TENM3: variants seen among roughly 807,000 people sequenced by gnomAD.
TENM3 encodes teneurin-3.
TENM3 carries 63 observed loss-of-function variants against 255.1 expected under a neutral mutation model. The observed-to-expected ratio is 0.25, with a 90% CI of 0.20 to 0.30. The LOEUF (loss-of-function observed/expected upper bound fraction) is 0.30. Among genes scored for constraint, TENM3 ranks in the 10% least tolerant of loss-of-function variants. The pLI is 1.00. For missense variants in TENM3, 2,929 were observed against 3,461.1 expected (o/e 0.85, Z 3.86); for synonymous variants, 1,306 against 1,322.3 (o/e 0.99, Z 0.27).
chr4:181,759,812 A>G, the TENM3 span, among the ~76,000 whole-genome samples: 8 of 151,734 alleles, frequency 5.3e-5, no homozygotes, highest in Non-Finnish European at 1.2e-4. Context: ...TTTAATAAAC[A>G]ATTACATCAT....
At chr4:181,967,036 G>A in the TENM3 span, among the ~76,000 whole-genome samples, 5 of 151,602 alleles carry the variant, frequency 3.3e-5, no homozygotes, top group African/African-American at 1.2e-4. Flanking sequence ...GCATGCATGT[G>A]CCACACCAAA....
intron 11 of TENM3, among the ~76,000 whole-genome samples, chr4:182,684,298 C>A (rs980125203): frequency 1.3e-5 from 2 of 151,552 alleles, no homozygotes; most frequent in Non-Finnish European, 1.5e-5. Flanking sequence ...AAACATAAGT[C>A]TTGGCTTCAG....
At chr4:181,564,394 C>T in the TENM3 span, among the ~76,000 whole-genome samples, 3 of 152,090 alleles carry the variant, frequency 2.0e-5, no homozygotes, top group Non-Finnish European at 4.4e-5. Context: ...GCACAGAGAG[C>T]TTGAGTGACT....
chr4:182,767,945 C>G (rs1763862999), intron 22 of TENM3, among the ~76,000 whole-genome samples: 1 of 152,240 alleles, frequency 6.6e-6, no homozygotes, highest in African/African-American at 2.4e-5. Flanking sequence ...AGTCACATTT[C>G]AGTGACTCTC....
the TENM3 span, among the ~76,000 whole-genome samples, chr4:182,088,758 C>T: frequency 6.6e-6 from 1 of 151,312 alleles, no homozygotes; most frequent in East Asian, 2.0e-4. Flanking sequence ...TGCTTGAACC[C>T]GGGAGGCAGA....
upstream of TENM3, chr4:182,142,536 T>C: frequency 6.0e-6 from 1 of 167,300 alleles, no homozygotes. Flanking sequence ...GCACGGTAGT[T>C]AAAAATGCAA....
chr4:181,589,144 A>G, the TENM3 span, among the ~76,000 whole-genome samples: 15 of 152,316 alleles, frequency 9.8e-5, no homozygotes, highest in African/African-American at 3.4e-4. Context: ...TCTGTCTTAA[A>G]TGATTTTGGT....
chr4:182,658,035 T>G (rs1033588530), intron 6 of TENM3, among the ~76,000 whole-genome samples: 2 of 152,158 alleles, frequency 1.3e-5, no homozygotes, highest in African/African-American at 4.8e-5. Context: ...ACAGTTGGGC[T>G]TTCACAGTAC....
chr4:182,428,607 C>T (rs1771402195), intron 3 of TENM3, among the ~76,000 whole-genome samples: 1 of 151,746 alleles, frequency 6.6e-6, no homozygotes, highest in South Asian at 2.1e-4. Context: ...AGGAGTGATG[C>T]CATGAAGCCA....
At chr4:181,916,159 G>GC in the TENM3 span, among the ~76,000 whole-genome samples, 1 of 147,332 alleles carries the variant, frequency 6.8e-6, no homozygotes, top group Non-Finnish European at 1.5e-5. Context: ...CTTGGGAAAT[G>GC]CCCCACTTTC....
chr4:182,688,324 G>A lies in TENM3; in HGVS notation c.2194G>A (p.Gly732Ser). Residue 732 changes from glycine (G) to serine (S), a missense_variant, in exon 12 of 28, where the codon GGC (glycine) becomes AGC (serine). Transcript: ENST00000511685. ...GGATGGCAAGTGTGAATGCAGCCAG[G>A]GCTGGAATGGAGAGCACTGCACTAT... is the stretch of plus-strand genomic sequence containing the variant. ...CKDGKCECSQ[G>S]WNGEHCTIEG... 17 of 1,613,506 alleles carry A rather than the reference G, an allele frequency of 1.1e-5. No individual in the cohort carries two copies. The highest frequency in any genetic ancestry group is 1.4e-5 in the Non-Finnish European group (17 of 1,179,644).
At chr4:182,039,162 G>A in the TENM3 span, among the ~76,000 whole-genome samples, 12 of 152,252 alleles carry the variant, frequency 7.9e-5, no homozygotes, top group East Asian at 2.1e-3. Flanking sequence ...TCCACCAATC[G>A]CTTTATTTCC....
intron 3 of TENM3, among the ~76,000 whole-genome samples, chr4:182,544,933 G>A (rs537195792): frequency 1.3e-5 from 2 of 152,306 alleles, no homozygotes; most frequent in African/African-American, 2.4e-5. Flanking sequence ...ACAAGAGTTA[G>A]GGTAGATCAG....
the TENM3 span, among the ~76,000 whole-genome samples, chr4:182,059,991 C>T: frequency 1.3e-5 from 2 of 151,816 alleles, no homozygotes; most frequent in Admixed American, 6.6e-5. Flanking sequence ...ACCTGTAATC[C>T]CAGCACTTTG....
chr4:182,726,933 A>G (rs1378582184), intron 13 of TENM3, among the ~76,000 whole-genome samples: 3 of 152,232 alleles, frequency 2.0e-5, no homozygotes, highest in East Asian at 1.9e-4. Flanking sequence ...AATGGCTAGT[A>G]TAGTATTTTT....
At chr4:181,860,729 G>A in the TENM3 span, among the ~76,000 whole-genome samples, 24 of 152,220 alleles carry the variant, frequency 1.6e-4, no homozygotes, top group Non-Finnish European at 2.4e-4. Flanking sequence ...TGGGGGCTCC[G>A]GGGTCCCAGA....
the TENM3 span, among the ~76,000 whole-genome samples, chr4:181,520,223 C>T: frequency 6.6e-6 from 1 of 152,176 alleles, no homozygotes; most frequent in South Asian, 2.1e-4. Flanking sequence ...TTTGATGTGG[C>T]ACTGACACAC....
At chr4:181,920,379 A>T in the TENM3 span, among the ~76,000 whole-genome samples, 2 of 151,850 alleles carry the variant, frequency 1.3e-5, no homozygotes, top group Non-Finnish European at 2.9e-5. Context: ...ATTTCTCCAC[A>T]TCCTCTCCAG....
chr4:182,724,615 A>G (rs924671129), intron 13 of TENM3, among the ~76,000 whole-genome samples: 1 of 152,236 alleles, frequency 6.6e-6, no homozygotes, highest in Non-Finnish European at 1.5e-5. Context: ...TGCAGACTAC[A>G]TGCCAGATGT....
Sources: gnomAD v4.1 joint callset for allele counts (sites outside exome capture counted in the v4.1 genomes callset) on GRCh38, gnomAD v4.1.1 for gene constraint, MANE v1.5 for transcripts, NCBI Gene and HGNC (gene_info 2026-07-23, HGNC 2026-07-21) for gene names.